The following AGBL4 variants were observed in gnomAD, a reference collection of about 807,000 sequenced individuals.
AGBL4 encodes the protein cytosolic carboxypeptidase 6.
Under a neutral mutation model 66.4 loss-of-function variants are expected in AGBL4, and 58 were observed. The ratio of observed to expected loss-of-function variants is 0.87; its 90% confidence interval spans 0.71 to 1.09. AGBL4 has a LOEUF of 1.09. AGBL4 is among the 50% of genes least tolerant of loss of function. The pLI, the probability that AGBL4 is intolerant of heterozygous loss-of-function variation, is 0.00. For synonymous variants in AGBL4, 234 were observed against 222.9 expected, an observed-to-expected ratio of 1.05 and a Z score of -0.44; for missense variants, 579 against 631.0, an observed-to-expected ratio of 0.92 and a Z score of 0.88.
intron 11 of AGBL4, among the ~76,000 whole-genome samples, chr1:48,566,100 C>T (rs140628327): frequency 3.0e-4 from 46 of 152,306 alleles, no homozygotes; most frequent in African/African-American, 9.9e-4. Context: ...CTGTTGCCTA[C>T]GATCTAAAAC....
At chr1:49,454,599 A>AAG (rs1348561592) in intron 3 of AGBL4, among the ~76,000 whole-genome samples, 10 of 151,918 alleles carry the variant, frequency 6.6e-5, no homozygotes, top group South Asian at 4.1e-4. Context: ...TGAGTCCTTC[A>AAG]AATTATACTA....
chr1:48,947,580 TAGAGTTTC>T (rs1656618333), intron 5 of AGBL4, among the ~76,000 whole-genome samples: 1 of 152,198 alleles, frequency 6.6e-6, no homozygotes, highest in African/African-American at 2.4e-5. Context: ...ACAGAATCCT[TAGAGTTTC>T]AGGTGCTCAA....
At chr1:49,109,327 C>A in intron 4 of AGBL4, among the ~76,000 whole-genome samples, 1 of 152,220 alleles carries the variant, frequency 6.6e-6, no homozygotes. Context: ...TCTGCCTCAA[C>A]TGGAAGGCTG....
At chr1:49,033,367 T>C (rs565489495) in intron 5 of AGBL4, among the ~76,000 whole-genome samples, 15 of 152,266 alleles carry the variant, frequency 9.9e-5, no homozygotes, top group African/African-American at 3.6e-4. Context: ...TTATTCAATT[T>C]AAAATTCATC....
chr1:49,229,457 C>T (rs755085454), intron 4 of AGBL4, among the ~76,000 whole-genome samples: 2 of 152,128 alleles, frequency 1.3e-5, no homozygotes, highest in Non-Finnish European at 2.9e-5. Flanking sequence ...GCACGTGGTC[C>T]TGTTTAAAGA....
At chr1:48,589,773 C>A (rs1557811005) in intron 10 of AGBL4, among the ~76,000 whole-genome samples, 1 of 152,104 alleles carries the variant, frequency 6.6e-6, no homozygotes, top group Non-Finnish European at 1.5e-5. Flanking sequence ...CCAGCAATTA[C>A]AAAAAAATTG....
intron 4 of AGBL4, among the ~76,000 whole-genome samples, chr1:49,146,816 C>T (rs1646227507): frequency 6.6e-6 from 1 of 152,264 alleles, no homozygotes; most frequent in South Asian, 2.1e-4. Flanking sequence ...TGTTGCCATT[C>T]TTCTGCCTCA....
At chr1:49,429,154 ACTGTT>A (rs1645729029) in intron 3 of AGBL4, among the ~76,000 whole-genome samples, 1 of 152,324 alleles carries the variant, frequency 6.6e-6, no homozygotes, top group South Asian at 2.1e-4. Flanking sequence ...AAGAGACCAA[ACTGTT>A]CCTTTAAAGA....
chr1:48,938,988 C>A (rs1289436845), intron 5 of AGBL4, among the ~76,000 whole-genome samples: 2 of 152,176 alleles, frequency 1.3e-5, no homozygotes, highest in Non-Finnish European at 2.9e-5. Context: ...AGTATCATCA[C>A]CCCCTTTTTA....
intron 2 of AGBL4, among the ~76,000 whole-genome samples, chr1:49,831,948 G>C (rs964899377): frequency 1.6e-4 from 25 of 151,792 alleles, no homozygotes; most frequent in African/African-American, 5.8e-4. Context: ...TTGCATCTCA[G>C]GGATGAAGCT....
intron 5 of AGBL4, among the ~76,000 whole-genome samples, chr1:48,977,976 G>T (rs34494818): frequency 1.3e-5 from 2 of 152,116 alleles, no homozygotes; most frequent in Admixed American, 6.6e-5. Flanking sequence ...ATATTATTAA[G>T]GGTGACTGTG....
At chr1:48,831,309 C>T (rs924727939) in intron 6 of AGBL4, among the ~76,000 whole-genome samples, 4 of 152,152 alleles carry the variant, frequency 2.6e-5, no homozygotes, top group Admixed American at 6.5e-5. Context: ...GATCCAGGCG[C>T]TCCTCCCTCC....
At chr1:49,485,363 A>C (rs1159539397) in intron 3 of AGBL4, among the ~76,000 whole-genome samples, 1 of 150,272 alleles carries the variant, frequency 6.7e-6, no homozygotes, top group Non-Finnish European at 1.5e-5. Context: ...AAGGACAAAA[A>C]ACCAAACACC....
chr1:49,364,430 C>A (rs1220724557), intron 3 of AGBL4, among the ~76,000 whole-genome samples: 1 of 151,996 alleles, frequency 6.6e-6, no homozygotes, highest in African/African-American at 2.4e-5. Context: ...TATGTACCAA[C>A]AAGTACTTTA....
chr1:49,314,890 C>G (rs898949672), intron 3 of AGBL4, among the ~76,000 whole-genome samples: 1 of 152,132 alleles, frequency 6.6e-6, no homozygotes, highest in Non-Finnish European at 1.5e-5. Flanking sequence ...TCTCCAGCAT[C>G]TGTTGTTTCC....
intron 2 of AGBL4, among the ~76,000 whole-genome samples, chr1:49,749,355 AT>A (rs1311898097): frequency 6.6e-6 from 1 of 152,146 alleles, no homozygotes; most frequent in Non-Finnish European, 1.5e-5. Context: ...GTTCTGTCCC[AT>A]TGGTCTACAT....
At chr1:49,629,336 A>T (rs550408788) in intron 3 of AGBL4, among the ~76,000 whole-genome samples, 1 of 152,142 alleles carries the variant, frequency 6.6e-6, no homozygotes, top group Non-Finnish European at 1.5e-5. Context: ...TTCCCCCAAC[A>T]TGGCAGGATA....
At chr1:49,462,059 T>C (rs1646526162) in intron 3 of AGBL4, among the ~76,000 whole-genome samples, 1 of 151,790 alleles carries the variant, frequency 6.6e-6, no homozygotes, top group Non-Finnish European at 1.5e-5. Context: ...TCTTCCACAA[T>C]ATTAGCTGTG....
intron 2 of AGBL4, among the ~76,000 whole-genome samples, chr1:49,838,791 T>G (rs1286037168): frequency 6.6e-6 from 1 of 152,094 alleles, no homozygotes; most frequent in Non-Finnish European, 1.5e-5. Flanking sequence ...GTCTTAGAAT[T>G]TACACTAATA....
Sources: gnomAD v4.1 joint callset for allele counts (sites outside exome capture counted in the v4.1 genomes callset) on GRCh38, gnomAD v4.1.1 for gene constraint, MANE v1.5 for transcripts, NCBI Gene and HGNC (gene_info 2026-07-23, HGNC 2026-07-21) for gene names.